Variants in PHACTR1 observed in about 807,000 individuals in gnomAD.
The protein encoded by PHACTR1 is phosphatase and actin regulator 1.
A neutral mutation model predicts 69.2 loss-of-function variants in PHACTR1; 16 were observed. The ratio of observed to expected loss-of-function variants is 0.23; its 90% CI spans 0.16 to 0.35. The LOEUF is 0.35. Ranked by LOEUF, PHACTR1 falls within the 10% of genes least tolerant of loss-of-function variation. PHACTR1 has a pLI of 1.00. For missense variants in PHACTR1, 510 were observed against 734.7 expected, an observed-to-expected ratio of 0.69 and a Z score of 3.54; for synonymous variants, 312 against 284.5, an observed-to-expected ratio of 1.10 and a Z score of -0.97.
chr6:12,774,043 T>G (rs1210657952), intron 4 of PHACTR1, among the ~76,000 whole-genome samples: 2 of 152,058 alleles, frequency 1.3e-5, no homozygotes, highest in Non-Finnish European at 2.9e-5. Context: ...AACGAGAGAG[T>G]AAGATGGGTA....
intron 4 of PHACTR1, among the ~76,000 whole-genome samples, chr6:12,811,176 T>A (rs1210311534): frequency 6.6e-6 from 1 of 152,194 alleles, no homozygotes; most frequent in African/African-American, 2.4e-5. Flanking sequence ...GTAGATTACA[T>A]AAGGGAGTTT....
intron 5 of PHACTR1, among the ~76,000 whole-genome samples, chr6:13,086,073 T>C (rs933540443): frequency 2.5e-5 from 1 of 40,234 alleles, no homozygotes; most frequent in African/African-American, 1.3e-4. Context: ...ATAAAGAAGA[T>C]ACACATTTCT....
intron 4 of PHACTR1, among the ~76,000 whole-genome samples, chr6:12,913,673 G>T (rs1786654520): frequency 6.6e-6 from 1 of 152,132 alleles, no homozygotes; most frequent in Admixed American, 6.5e-5. Context: ...GGATCTCAGG[G>T]CCTCAAATCC....
rs376096239 is a variant in PHACTR1, at chr6:12,981,887, G to A, written c.251-71478G>A. Among the ~76,000 whole-genome samples, 10 of 152,296 alleles carry A rather than the reference G, an allele frequency of 6.6e-5. No homozygotes were observed. The East Asian group carries it at 1.4e-3, about 21-fold the overall frequency. On this transcript the variant is annotated intron_variant, in intron 4 of 14. Coordinates refer to ENST00000332995, the MANE Select transcript of PHACTR1 (RefSeq NM_030948.6). ...CAGGGTCTAGATCAGGTCCAAATGA[G>A]TTGGCAGTTGCTTGAACCCCATCAA...
intron 6 of PHACTR1, among the ~76,000 whole-genome samples, chr6:13,177,549 C>T (rs1275568080): frequency 2.0e-5 from 3 of 151,894 alleles, no homozygotes; most frequent in Non-Finnish European, 4.4e-5. Context: ...TTCCTGTCAC[C>T]CATTCTCCAT....
At chr6:12,964,815 T>C (rs1247979327) in intron 4 of PHACTR1, among the ~76,000 whole-genome samples, 2 of 152,216 alleles carry the variant, frequency 1.3e-5, no homozygotes, top group African/African-American at 4.8e-5. Flanking sequence ...TCTTAGATTA[T>C]GTCCTTTAAT....
intron 4 of PHACTR1, among the ~76,000 whole-genome samples, chr6:12,960,443 C>G (rs1792563303): frequency 2.6e-5 from 4 of 152,216 alleles, no homozygotes; most frequent in Admixed American, 2.6e-4. Flanking sequence ...TTGTATTTCT[C>G]TAGATGAGAA....
At chr6:13,042,097 AC>A (rs1221002516) in intron 4 of PHACTR1, among the ~76,000 whole-genome samples, 1 of 152,168 alleles carries the variant, frequency 6.6e-6, no homozygotes, top group Non-Finnish European at 1.5e-5. Flanking sequence ...TTTATTGTAG[AC>A]CTTCTCAGAG....
rs530046294 is a variant in PHACTR1 at position 13,185,089 on chromosome 6, C to T, written c.664+2403C>T. 2.0e-5 allele frequency: 22 copies of T among 1,081,956 alleles called. No individual in the cohort carries two copies. In the South Asian group the frequency reaches 3.2e-4, roughly 16 times the overall value. 67.0% of individuals were successfully genotyped at this position (1,081,956 alleles called of 1,614,324 possible). On this transcript the variant is annotated intron_variant, in intron 7 of 14. Transcript: ENST00000332995. ...TTTCTCTTGTTCTTTGAACTGAGGCCTGAAGGCAGCTCTCTGGGGAGGTTG... is the reference window on the plus strand; with the variant it reads ...TTTCTCTTGTTCTTTGAACTGAGGCTTGAAGGCAGCTCTCTGGGGAGGTTG...
chr6:13,225,552 C>T (rs1325970051), intron 8 of PHACTR1, among the ~76,000 whole-genome samples: 2 of 152,228 alleles, frequency 1.3e-5, no homozygotes, highest in African/African-American at 4.8e-5. Flanking sequence ...GTTGATTACA[C>T]ACTACCTATG....
chr6:12,824,151 G>A (rs1051721849), intron 4 of PHACTR1, among the ~76,000 whole-genome samples: 6 of 152,144 alleles, frequency 3.9e-5, no homozygotes, highest in South Asian at 2.1e-4. Context: ...TCATAGAAGC[G>A]AGAATCCTAT....
At chr6:13,129,500 GA>G (rs1820067031) in intron 5 of PHACTR1, among the ~76,000 whole-genome samples, 1 of 152,026 alleles carries the variant, frequency 6.6e-6, no homozygotes, top group East Asian at 1.9e-4. Context: ...AAGTGATCAG[GA>G]GTAGCTATTC....
At chr6:12,845,427 CCA>C (rs1345416668) in intron 4 of PHACTR1, among the ~76,000 whole-genome samples, 21 of 29,100 alleles carry the variant, frequency 7.2e-4, no homozygotes, top group Non-Finnish European at 1.1e-3. Flanking sequence ...TGAACACCAC[CCA>C]CCCCCCCCCC....
chr6:12,734,560 G>A (rs192340125), intron 3 of PHACTR1, among the ~76,000 whole-genome samples: 1 of 152,260 alleles, frequency 6.6e-6, no homozygotes, highest in Admixed American at 6.5e-5. Flanking sequence ...CTCAAAGATT[G>A]TACTGTGAAC....
chr6:13,079,688 A>T (rs935179892), intron 5 of PHACTR1, among the ~76,000 whole-genome samples: 1 of 152,122 alleles, frequency 6.6e-6, no homozygotes, highest in African/African-American at 2.4e-5. Context: ...TGGGGTTCCC[A>T]TGAGACCCTG....
At chr6:13,287,013 C>G in intron 14 of PHACTR1, 50 bp from the exon 15 acceptor site, 1 of 1,595,512 alleles carries the variant, frequency 6.3e-7, no homozygotes, top group Non-Finnish European at 8.5e-7. Flanking sequence ...CTGTTGAATC[C>G]TGCACCTTTG....
At chr6:13,040,093 CCTCTT>C (rs1347964542) in intron 4 of PHACTR1, among the ~76,000 whole-genome samples, 1 of 152,098 alleles carries the variant, frequency 6.6e-6, no homozygotes, top group East Asian at 1.9e-4. Flanking sequence ...GCAGAAATTT[CCTCTT>C]CTCTTTCTTC....
chr6:12,939,428 AGAAATCCCT>A lies in PHACTR1; in HGVS notation c.251-113935_251-113927del, dbSNP rs543854534. Among the ~76,000 whole-genome samples the A allele has an allele frequency of 7.9e-5, 12 of 152,226 alleles. No homozygotes were observed. The East Asian group carries it at 1.6e-3, about 20-fold the overall frequency. ...ACCTGGATTTGAGCCCACCTAACATAGAAATCCCTGGTTTGTACTCTGTCTCCCACATTT... is the reference window on the plus strand; with the variant it reads ...ACCTGGATTTGAGCCCACCTAACATAGGTTTGTACTCTGTCTCCCACATTT... On this transcript the variant is annotated intron_variant, in intron 4 of 14. Transcript: ENST00000332995.
At chr6:13,059,597 T>A (rs1386695850) in intron 5 of PHACTR1, among the ~76,000 whole-genome samples, 1 of 152,172 alleles carries the variant, frequency 6.6e-6, no homozygotes, top group African/African-American at 2.4e-5. Context: ...TCCAAACTCA[T>A]CTACTTGTAT....
Sources: allele counts gnomAD v4.1 joint callset (sites outside exome capture counted in the v4.1 genomes callset), GRCh38; gene constraint gnomAD v4.1.1; transcripts MANE v1.5; gene names NCBI Gene and HGNC (gene_info 2026-07-23, HGNC 2026-07-21).